Variants in NYAP2 observed in about 807,000 individuals in gnomAD.
The protein encoded by NYAP2 is neuronal tyrosine-phosphorylated phosphoinositide-3-kinase adapter 2.
In NYAP2, 23 loss-of-function variants were observed where a neutral mutation model predicts 50.4. The observed-to-expected ratio is 0.46, with a 90% CI of 0.33 to 0.65. NYAP2 has a LOEUF of 0.65. Among genes scored for constraint, NYAP2 ranks in the 30% least tolerant of loss-of-function variants. The pLI is 0.02. For missense variants in NYAP2, 885 were observed against 861.0 expected, an observed-to-expected ratio of 1.03 and a Z score of -0.35; for synonymous variants, 394 against 365.2, an observed-to-expected ratio of 1.08 and a Z score of -0.90.
chr2:225,524,313 T>C (rs1299771048), intron 4 of NYAP2, among the ~76,000 whole-genome samples: 1 of 152,170 alleles, frequency 6.6e-6, no homozygotes, highest in East Asian at 1.9e-4. Flanking sequence ...GCATCTAACA[T>C]GGGAGAAAGA....
Position 225,582,522 on chromosome 2 carries a change from G to T in NYAP2, c.1105G>T (p.Val369Leu). 6.4e-7 allele frequency: 1 copy of T among 1,556,736 alleles called. No homozygotes were observed. The highest frequency in any genetic ancestry group is 1.4e-5 in the African/African-American group (1 of 72,386). ...CACGAAGCTTCCCGTGCTGGAAAAC[G>T]TGTCTTACATGAAACAGCCAGCCGG... The change falls in exon 5 of 7, where the codon GTG becomes TTG. Residue 369 changes from valine (V) to leucine (L), a missense_variant. Coordinates refer to ENST00000636099, the Ensembl canonical transcript of NYAP2. The surrounding 1 kb of genome is among the most constrained non-coding windows in gnomAD (Gnocchi z 7.0).
intron 3 of NYAP2, among the ~76,000 whole-genome samples, chr2:225,438,543 G>T (rs1689420259): frequency 6.6e-6 from 1 of 152,188 alleles, no homozygotes; most frequent in South Asian, 2.1e-4. Context: ...AAAATATCAA[G>T]AAGTTTTGGT....
At chr2:225,631,010 C>T (rs779971279) in intron 6 of NYAP2, among the ~76,000 whole-genome samples, 7 of 152,182 alleles carry the variant, frequency 4.6e-5, no homozygotes, top group Non-Finnish European at 8.8e-5. Flanking sequence ...AGACTAGACT[C>T]CTTTGGCGTG....
At chr2:225,672,870 G>A in the NYAP2 span, among the ~76,000 whole-genome samples, 2 of 152,010 alleles carry the variant, frequency 1.3e-5, no homozygotes, top group Non-Finnish European at 2.9e-5. Context: ...AATTGATTAA[G>A]TTTGCCATCT....
the NYAP2 span, among the ~76,000 whole-genome samples, chr2:225,685,690 T>C: frequency 6.6e-6 from 1 of 152,156 alleles, no homozygotes; most frequent in Non-Finnish European, 1.5e-5. Context: ...AATCATAAAA[T>C]AGTCAAAAGT....
intron 3 of NYAP2, among the ~76,000 whole-genome samples, chr2:225,495,408 G>A (rs191681386): frequency 2.1e-3 from 319 of 152,242 alleles, no homozygotes; most frequent in African/African-American, 7.3e-3. Context: ...GAAAGAATAT[G>A]TTCTATCAGA....
In NYAP2 at chr2:225,576,053, CTTG is replaced by C. The variant is rs769479496; in HGVS notation, c.524-5883_524-5881del. On this transcript the variant is annotated intron_variant, in intron 4 of 6. Transcript: ENST00000636099. Reference sequence around the variant, plus strand: ...AGAACAGTAGTTCTGATTAAAGTCCCTTGTTGTATATATAGCAAAAGTGAGTGT... The same window carrying C: ...AGAACAGTAGTTCTGATTAAAGTCCCTTGTATATATAGCAAAAGTGAGTGT... Among the ~76,000 whole-genome samples the C allele has an allele frequency of 6.6e-5, 10 of 152,182 alleles. No homozygotes were observed. The East Asian group carries it at 1.9e-3, about 29-fold the overall frequency.
At chr2:225,544,974 T>C (rs902531882) in intron 4 of NYAP2, among the ~76,000 whole-genome samples, 7 of 152,158 alleles carry the variant, frequency 4.6e-5, no homozygotes, top group Non-Finnish European at 8.8e-5. Context: ...GGGTAAAAGT[T>C]ATTTTTTTTC....
chr2:225,693,237 A>G, the NYAP2 span, among the ~76,000 whole-genome samples: 1 of 152,026 alleles, frequency 6.6e-6, no homozygotes, highest in African/African-American at 2.4e-5. Flanking sequence ...ACAGTTTCTC[A>G]GACTTTCCTT....
chr2:225,427,882 A>G (rs1695309355), intron 3 of NYAP2, among the ~76,000 whole-genome samples: 1 of 152,214 alleles, frequency 6.6e-6, no homozygotes, highest in Admixed American at 6.5e-5. Flanking sequence ...AAGAATACCC[A>G]AAGGAGCATT....
rs898679585 is a variant in NYAP2 at position 225,582,661 on chromosome 2, C to G, written c.1244C>G (p.Pro415Arg). The G allele has an allele frequency of 3.8e-6, 6 of 1,597,200 alleles. No individual in the cohort carries two copies. The highest frequency in any genetic ancestry group is 5.1e-6 in the Non-Finnish European group (6 of 1,171,528). The stretch of plus-strand genomic sequence containing the variant: ...ACCCCTGCGCTCTCCTCGTCGCCCC[C>G]ACCCCCGTCTACGCTGTACCGAACC... Residue 415 changes from proline to arginine, a missense_variant, in exon 5 of 7, where the codon CCA becomes CGA. Physicochemically the swap from Pro to Arg is moderately radical, Grantham distance 103 (BLOSUM62 -2). Transcript: ENST00000636099. The surrounding 1 kb of genome is among the most constrained non-coding windows in gnomAD (Gnocchi z 7.0).
chr2:225,453,430 A>G (rs1055323384), intron 3 of NYAP2, among the ~76,000 whole-genome samples: 1 of 152,206 alleles, frequency 6.6e-6, no homozygotes, highest in Non-Finnish European at 1.5e-5. Context: ...AGTGATGCCA[A>G]TCCTGAAAAA....
intron 3 of NYAP2, among the ~76,000 whole-genome samples, chr2:225,437,744 G>T (rs908771530): frequency 6.6e-6 from 1 of 152,224 alleles, no homozygotes; most frequent in East Asian, 1.9e-4. Context: ...AGATGAGGAA[G>T]CTCAGGTTTA....
intron 6 of NYAP2, among the ~76,000 whole-genome samples, chr2:225,641,593 TC>T (rs371876518): frequency 3.2e-4 from 48 of 151,950 alleles, no homozygotes; most frequent in African/African-American, 1.1e-3. Context: ...GGTGGGTGGA[TC>T]ACGATGTCAG....
intron 3 of NYAP2, among the ~76,000 whole-genome samples, chr2:225,414,949 A>G (rs1467086228): frequency 1.3e-5 from 2 of 152,220 alleles, no homozygotes; most frequent in Admixed American, 6.5e-5. Context: ...TCTGAGCATC[A>G]TATCTACCAT....
At chr2:225,538,496 C>G (rs1441608043) in intron 4 of NYAP2, among the ~76,000 whole-genome samples, 2 of 152,192 alleles carry the variant, frequency 1.3e-5, no homozygotes, top group Non-Finnish European at 2.9e-5. Flanking sequence ...TATGTTGGCC[C>G]TTTTTCAGCC....
chr2:225,627,438 GT>G (rs1559234328), intron 6 of NYAP2, among the ~76,000 whole-genome samples: 1 of 152,180 alleles, frequency 6.6e-6, no homozygotes, highest in African/African-American at 2.4e-5. Context: ...ATCTAAAGCA[GT>G]TTTAACTTGC....
the NYAP2 span, among the ~76,000 whole-genome samples, chr2:225,660,402 G>C: frequency 8.0e-5 from 12 of 149,450 alleles, no homozygotes; most frequent in Non-Finnish European, 1.6e-4. Flanking sequence ...GCTATTATCT[G>C]CTAGGGTCGG....
At chr2:225,608,901 T>C (rs939814960) in intron 5 of NYAP2, among the ~76,000 whole-genome samples, 2 of 152,102 alleles carry the variant, frequency 1.3e-5, no homozygotes, top group African/African-American at 4.8e-5. Flanking sequence ...GTTCTCTCCC[T>C]CTATATTCCA....
Sources: allele counts gnomAD v4.1 joint callset (sites outside exome capture counted in the v4.1 genomes callset), GRCh38; gene constraint gnomAD v4.1.1; non-coding constraint Gnocchi (gnomAD v3.1); transcripts MANE v1.5; gene names NCBI Gene and HGNC (gene_info 2026-07-23, HGNC 2026-07-21).